Variants in CPVL observed in about 807,000 individuals in gnomAD.
CPVL encodes the protein probable serine carboxypeptidase CPVL.
A neutral mutation model predicts 63.7 loss-of-function variants in CPVL; 51 were observed. The observed-to-expected ratio is 0.80, with a 90% CI of 0.64 to 1.01. The LOEUF (loss-of-function observed/expected upper bound fraction) is 1.01. Ranked by LOEUF, CPVL falls within the 50% of genes least tolerant of loss-of-function variation. CPVL has a pLI of 0.00. For missense variants in CPVL, 530 were observed against 573.1 expected, an observed-to-expected ratio of 0.92 and a Z score of 0.77; for synonymous variants, 195 against 206.0, an observed-to-expected ratio of 0.95 and a Z score of 0.46.
chr7:29,146,885 C>T (rs555946730), upstream of CPVL: 40 of 1,551,088 alleles, frequency 2.6e-5, no homozygotes, highest in African/African-American at 3.0e-4. Flanking sequence ...ATTTGGAAAG[C>T]GAGTGGTGTT....
intron 12 of CPVL, among the ~76,000 whole-genome samples, chr7:29,003,704 C>T (rs1326865778): frequency 1.3e-5 from 2 of 152,200 alleles, no homozygotes; most frequent in African/African-American, 4.8e-5. Flanking sequence ...ACCTTTCTGA[C>T]ACCAGGGACC....
chr7:29,073,909 A>C (rs905648580), intron 7 of CPVL, among the ~76,000 whole-genome samples: 1 of 152,248 alleles, frequency 6.6e-6, no homozygotes, highest in Admixed American at 6.5e-5. Context: ...AGAGCAATGC[A>C]TCTATGTTCA....
At chr7:29,053,279 AC>A (rs1157716918) in intron 11 of CPVL, among the ~76,000 whole-genome samples, 3 of 152,372 alleles carry the variant, frequency 2.0e-5, no homozygotes, top group Admixed American at 2.0e-4. Flanking sequence ...ATATGTTCAC[AC>A]CAACACTGTA....
chr7:29,072,118 A>C (rs968577417), intron 8 of CPVL, among the ~76,000 whole-genome samples, 183 bp downstream of exon 8: 4 of 152,214 alleles, frequency 2.6e-5, no homozygotes, highest in African/African-American at 9.6e-5. Flanking sequence ...CTGACAGCCA[A>C]TGTAAGCTGA....
chr7:29,022,693 C>T (rs1342857571), intron 12 of CPVL, among the ~76,000 whole-genome samples: 1 of 152,222 alleles, frequency 6.6e-6, no homozygotes, highest in African/African-American at 2.4e-5. Flanking sequence ...TCAGCCCTGC[C>T]TGCCACAGCC....
At chr7:29,011,673 G>C (rs73298179) in intron 12 of CPVL, 45 of 151,842 alleles carry the variant, frequency 3.0e-4, no homozygotes, top group African/African-American at 1.1e-3. Context: ...GGCTTTGCTA[G>C]GATTGCAAAT....
chr7:29,095,087 A>T lies in CPVL; in HGVS notation c.459T>A (p.Asn153Lys). ...CACAGGGTCATCCCGGACTTACTGG[A>T]TTGTCAATGTAAAGCATGGAGAGCG... ...TTTLSMLYID[N>K]PVGTGFSFTD... is the part of the protein sequence containing the mutation. The change falls in exon 5 of 13, where the codon AAT becomes AAA. Residue 153 changes from asparagine (N) to lysine (K), a missense_variant. By Grantham distance (94) the Asn-to-Lys change is moderately conservative (BLOSUM62 0). Coordinates refer to ENST00000265394, the MANE Select transcript of CPVL (RefSeq NM_031311.5). The T allele has an allele frequency of 6.2e-7, 1 of 1,613,516 alleles. No individual in the cohort carries two copies. Among genetic ancestry groups the T allele is most frequent in the Non-Finnish European group, 8.5e-7 (1 of 1,179,432 alleles).
chr7:29,149,057 G>C (rs1793189572), upstream of CPVL, among the ~76,000 whole-genome samples: 1 of 152,166 alleles, frequency 6.6e-6, no homozygotes, highest in African/African-American at 2.4e-5. Context: ...CACCAGGCGT[G>C]TTCAGGGTGG....
chr7:29,007,458 A>G (rs1785309282), intron 12 of CPVL, among the ~76,000 whole-genome samples: 2 of 152,200 alleles, frequency 1.3e-5, no homozygotes, highest in Admixed American at 1.3e-4. Context: ...GAAAAAAACA[A>G]AAACCAGGAA....
At chr7:29,031,943 T>C (rs1788059721) in intron 11 of CPVL, among the ~76,000 whole-genome samples, 1 of 152,184 alleles carries the variant, frequency 6.6e-6, no homozygotes, top group African/African-American at 2.4e-5. Context: ...ATACAAAGTT[T>C]GAAAAATGTT....
At chr7:29,076,397 G>A (rs935056227) in intron 7 of CPVL, among the ~76,000 whole-genome samples, 6 of 151,928 alleles carry the variant, frequency 3.9e-5, no homozygotes, top group Admixed American at 6.6e-5. Flanking sequence ...TCAGACCCTG[G>A]TCTCATAAAA....
intron 3 of CPVL, among the ~76,000 whole-genome samples, chr7:29,111,850 CCCT>C (rs1788266961): frequency 1.3e-5 from 2 of 152,232 alleles, no homozygotes; most frequent in African/African-American, 4.8e-5. Context: ...ATAAATAACA[CCCT>C]CCATAGGGAT....
At chr7:29,037,566 AAAAAAAG>A (rs1165266743) in intron 11 of CPVL, among the ~76,000 whole-genome samples, 5 of 150,692 alleles carry the variant, frequency 3.3e-5, no homozygotes, top group African/African-American at 9.8e-5. Flanking sequence ...AAAAAAAAAA[AAAAAAAG>A]AAAAGAAAAG....
chr7:29,114,014 A>G (rs976819086), intron 2 of CPVL, among the ~76,000 whole-genome samples: 6 of 152,230 alleles, frequency 3.9e-5, no homozygotes, highest in Non-Finnish European at 8.8e-5. Flanking sequence ...CTCACATGCC[A>G]TCGACTAAAG....
intron 7 of CPVL, among the ~76,000 whole-genome samples, chr7:29,085,906 G>A (rs1785151331): frequency 6.6e-6 from 1 of 152,194 alleles, no homozygotes; most frequent in South Asian, 2.1e-4. Flanking sequence ...TCATCATCAT[G>A]AATGATGAGG....
At chr7:29,163,158 A>G (rs186036612) in intron 5 of CPVL, among the ~76,000 whole-genome samples, 76 of 152,208 alleles carry the variant, frequency 5.0e-4, no homozygotes, top group Middle Eastern at 6.8e-3. Flanking sequence ...AAGATACTCA[A>G]TTCTATTATG....
chr7:29,097,918 A>G (rs1188280536), intron 3 of CPVL, among the ~76,000 whole-genome samples: 3 of 151,970 alleles, frequency 2.0e-5, no homozygotes, highest in African/African-American at 7.3e-5. Context: ...CTCTCACCAG[A>G]ACAGACTTAG....
At chr7:29,095,520 G>A (rs1354599598) in intron 4 of CPVL, among the ~76,000 whole-genome samples, 1 of 151,356 alleles carries the variant, frequency 6.6e-6, no homozygotes, top group Admixed American at 6.6e-5. Context: ...AACAAAACTG[G>A]CACATAAGCC....
At chr7:29,080,023 G>A (rs1424112999) in intron 7 of CPVL, among the ~76,000 whole-genome samples, 1 of 152,108 alleles carries the variant, frequency 6.6e-6, no homozygotes, top group African/African-American at 2.4e-5. Context: ...AGGAGAGGAT[G>A]GCTGAGGTGG....
Sources: allele counts gnomAD v4.1 joint callset (sites outside exome capture counted in the v4.1 genomes callset), GRCh38; gene constraint gnomAD v4.1.1; transcripts MANE v1.5; gene names NCBI Gene and HGNC (gene_info 2026-07-23, HGNC 2026-07-21).